Variants in ETV6 observed in about 807,000 individuals in gnomAD.
ETV6 encodes ETS variant transcription factor 6.
In ETV6, 16 loss-of-function variants were observed where a neutral mutation model predicts 51.1. The ratio of observed to expected loss-of-function variants is 0.31; its 90% confidence interval spans 0.21 to 0.48. The LOEUF (loss-of-function observed/expected upper bound fraction) is 0.48. Among genes scored for constraint, ETV6 ranks in the 20% least tolerant of loss-of-function variants. The pLI is 0.99. For synonymous variants in ETV6, 240 were observed against 224.1 expected (o/e 1.07, Z -0.64); for missense variants, 458 against 594.8 (o/e 0.77, Z 2.39).
intron 1 of ETV6, among the ~76,000 whole-genome samples, chr12:11,656,958 C>G (rs940495543): frequency 6.6e-6 from 1 of 151,996 alleles, no homozygotes; most frequent in East Asian, 1.9e-4. Context: ...CCCTCATTTT[C>G]CCCTATAACA....
At chr12:11,661,509 AGTT>A (rs1479506872) in intron 1 of ETV6, among the ~76,000 whole-genome samples, 3 of 151,978 alleles carry the variant, frequency 2.0e-5, no homozygotes, top group African/African-American at 4.8e-5. Flanking sequence ...CCAGTAGGAG[AGTT>A]GTTGTTTTGG....
At chr12:11,717,616 C>T (rs1407382592) in intron 1 of ETV6, among the ~76,000 whole-genome samples, 1 of 152,170 alleles carries the variant, frequency 6.6e-6, no homozygotes, top group Non-Finnish European at 1.5e-5. Context: ...CATGCGCCTG[C>T]AAGTGATCAC....
At chr12:11,650,181 T>G (rs200061615) in intron 1 of ETV6, 21 bp downstream of exon 1, 9 of 1,609,794 alleles carry the variant, frequency 5.6e-6, no homozygotes, top group Non-Finnish European at 7.7e-6. Flanking sequence ...TCTCCCCTCC[T>G]TCTACGTGGT....
chr12:11,702,179 C>G (rs148619595), intron 1 of ETV6, among the ~76,000 whole-genome samples: 1 of 152,154 alleles, frequency 6.6e-6, no homozygotes, highest in East Asian at 1.9e-4. Flanking sequence ...CATTTTAGGC[C>G]AGAGATGGTG....
At chr12:11,807,144 G>C (rs941704779) in intron 2 of ETV6, among the ~76,000 whole-genome samples, 2 of 152,220 alleles carry the variant, frequency 1.3e-5, no homozygotes, top group Non-Finnish European at 2.9e-5. Context: ...AGACCGTGTG[G>C]TTTGCATGAG....
chr12:11,805,878 C>T (rs1204584204), intron 2 of ETV6, among the ~76,000 whole-genome samples: 2 of 152,206 alleles, frequency 1.3e-5, no homozygotes, highest in African/African-American at 4.8e-5. Context: ...CTTTTATAAA[C>T]CAGGCACAGT....
chr12:11,814,742 G>A (rs1196549703), intron 2 of ETV6, among the ~76,000 whole-genome samples: 1 of 152,204 alleles, frequency 6.6e-6, no homozygotes, highest in African/African-American at 2.4e-5. Context: ...AGTATACAAC[G>A]AGGAGGCTTT....
At chr12:11,796,688 AG>A (rs1285070504) in intron 2 of ETV6, among the ~76,000 whole-genome samples, 1 of 152,026 alleles carries the variant, frequency 6.6e-6, no homozygotes, top group African/African-American at 2.4e-5. Context: ...GTGCAATGAC[AG>A]GTTTCTTCTC....
At chr12:11,792,685 T>A (rs1283719913) in intron 2 of ETV6, among the ~76,000 whole-genome samples, 5 of 80,838 alleles carry the variant, frequency 6.2e-5, no homozygotes, top group Non-Finnish European at 1.3e-4. Context: ...AGATTCCATC[T>A]CAAAAAAAAA....
intron 2 of ETV6, among the ~76,000 whole-genome samples, chr12:11,754,918 C>G (rs1944985607): frequency 6.6e-6 from 1 of 152,240 alleles, no homozygotes; most frequent in Admixed American, 6.5e-5. Flanking sequence ...TTCTTTCTAT[C>G]TCCATGTCAC....
At chr12:11,888,731 C>T (rs1332673397) in intron 7 of ETV6, among the ~76,000 whole-genome samples, 1 of 152,174 alleles carries the variant, frequency 6.6e-6, no homozygotes, top group Non-Finnish European at 1.5e-5. Context: ...GAGACAGGGT[C>T]TCACTCTGTT....
intron 2 of ETV6, among the ~76,000 whole-genome samples, chr12:11,807,901 G>A (rs1288668863): frequency 6.6e-6 from 1 of 152,164 alleles, no homozygotes; most frequent in Non-Finnish European, 1.5e-5. Context: ...ACCAGTAGTT[G>A]CTTGACCTAT....
rs538998299 is a variant in ETV6 at position 11,700,508 on chromosome 12, C to A, written c.33+50348C>A. Among the ~76,000 whole-genome samples, 10 of 152,290 alleles carry A rather than the reference C, an allele frequency of 6.6e-5. No homozygotes were observed. The South Asian group carries it at 2.1e-3, about 32-fold the overall frequency. ...TGTTTCTGAGTTATGTATATAACTT[C>A]TGAGTCCCCAAAAACATAACTACTA... On this transcript the variant is annotated intron_variant, in intron 1 of 7. Transcript: ENST00000396373.
intron 1 of ETV6, among the ~76,000 whole-genome samples, chr12:11,709,994 A>C (rs773004004): frequency 2.0e-5 from 3 of 152,208 alleles, no homozygotes; most frequent in Non-Finnish European, 4.4e-5. Context: ...CTAATACAGC[A>C]TATCACACCT....
intron 1 of ETV6, among the ~76,000 whole-genome samples, chr12:11,696,491 C>T (rs966190439): frequency 1.3e-5 from 2 of 152,114 alleles, no homozygotes; most frequent in African/African-American, 4.8e-5. Flanking sequence ...TCTAAAGTAC[C>T]AATAACCCAC....
At chr12:11,860,433 T>C (rs1156763077) in intron 4 of ETV6, among the ~76,000 whole-genome samples, 1 of 152,142 alleles carries the variant, frequency 6.6e-6, no homozygotes, top group Non-Finnish European at 1.5e-5. Context: ...ACCGGCTGTG[T>C]GACTTCAGGC....
intron 2 of ETV6, among the ~76,000 whole-genome samples, chr12:11,818,795 C>T (rs1946034111): frequency 6.6e-6 from 1 of 152,018 alleles, no homozygotes; most frequent in African/African-American, 2.4e-5. Flanking sequence ...CCCTCCTACC[C>T]CTGCAGCCCT....
intron 1 of ETV6, among the ~76,000 whole-genome samples, chr12:11,726,975 A>C (rs1254646542): frequency 6.6e-6 from 1 of 152,180 alleles, no homozygotes; most frequent in Non-Finnish European, 1.5e-5. Flanking sequence ...CTTTGGGACC[A>C]AGTTACTTGT....
At chr12:11,740,925 T>C (rs1378402107) in intron 1 of ETV6, among the ~76,000 whole-genome samples, 1 of 152,196 alleles carries the variant, frequency 6.6e-6, no homozygotes, top group African/African-American at 2.4e-5. Context: ...TTCTTAGCCC[T>C]TCAACCTCAA....
Sources: gnomAD v4.1 joint callset for allele counts (sites outside exome capture counted in the v4.1 genomes callset) on GRCh38, gnomAD v4.1.1 for gene constraint, MANE v1.5 for transcripts, NCBI Gene and HGNC (gene_info 2026-07-23, HGNC 2026-07-21) for gene names.